CUX1: variants seen among roughly 807,000 people sequenced by gnomAD.
The protein encoded by CUX1 is protein CASP.
A neutral mutation model predicts 158.8 loss-of-function variants in CUX1; 31 were observed. That is an observed-to-expected ratio of 0.20 (90% CI 0.15 to 0.26). CUX1 has a LOEUF of 0.26. Among genes scored for constraint, CUX1 ranks in the 10% least tolerant of loss-of-function variants. CUX1 has a pLI of 1.00. For synonymous variants in CUX1, 879 were observed against 862.1 expected, an observed-to-expected ratio of 1.02 and a Z score of -0.34; for missense variants, 1,589 against 2,014.6, an observed-to-expected ratio of 0.79 and a Z score of 4.04.
At chr7:102,178,944 A>G (rs1792712598) in intron 11 of CUX1, among the ~76,000 whole-genome samples, 1 of 152,156 alleles carries the variant, frequency 6.6e-6, no homozygotes, top group Admixed American at 6.5e-5. Context: ...GGCTCACTGC[A>G]GCCTCCGCCT....
chr7:102,063,515 A>C (rs1459572259), intron 3 of CUX1, among the ~76,000 whole-genome samples: 1 of 150,380 alleles, frequency 6.6e-6, no homozygotes, highest in Non-Finnish European at 1.5e-5. Flanking sequence ...CAGCCTCCCA[A>C]GTAGCTGGAA....
At chr7:102,175,238 C>A (rs1251607946) in intron 10 of CUX1, among the ~76,000 whole-genome samples, 1 of 152,206 alleles carries the variant, frequency 6.6e-6, no homozygotes, top group East Asian at 1.9e-4. Context: ...ACACCTTTGA[C>A]CTGTGTCACT....
intron 3 of CUX1, among the ~76,000 whole-genome samples, chr7:102,044,275 C>T (rs184966378): frequency 1.3e-5 from 2 of 152,186 alleles, no homozygotes; most frequent in East Asian, 1.9e-4. Flanking sequence ...CTGCAACCTC[C>T]ACCTCCTAGG....
At chr7:102,124,387 G>A (rs1244222787) in intron 8 of CUX1, among the ~76,000 whole-genome samples, 1 of 152,250 alleles carries the variant, frequency 6.6e-6, no homozygotes, top group Non-Finnish European at 1.5e-5. Context: ...GCACTCACAC[G>A]TTTATCACAG....
chr7:102,103,933 A>G (rs554106132), intron 5 of CUX1, among the ~76,000 whole-genome samples: 3 of 152,178 alleles, frequency 2.0e-5, no homozygotes, highest in Admixed American at 6.6e-5. Flanking sequence ...ACTATTATGA[A>G]CTATTTTTTT....
intron 7 of CUX1, among the ~76,000 whole-genome samples, chr7:102,114,871 A>G (rs1362629113): frequency 6.6e-6 from 1 of 151,994 alleles, no homozygotes; most frequent in Non-Finnish European, 1.5e-5. Context: ...ACAGAGTGAG[A>G]AAACTTGTCT....
At chr7:102,119,059 G>A (rs1288757922) in intron 8 of CUX1, among the ~76,000 whole-genome samples, 1 of 152,078 alleles carries the variant, frequency 6.6e-6, no homozygotes, top group Non-Finnish European at 1.5e-5. Context: ...ATGCTAGGTG[G>A]TTTTGAAGAG....
At chr7:101,870,157 T>TTG (rs1368924165) in intron 1 of CUX1, among the ~76,000 whole-genome samples, 7 of 149,240 alleles carry the variant, frequency 4.7e-5, no homozygotes, top group South Asian at 4.3e-4. Context: ...TTTTTTGTTT[T>TTG]TTTTTTTTTT....
chr7:102,169,914 A>G (rs141647735), intron 9 of CUX1, among the ~76,000 whole-genome samples: 1 of 152,330 alleles, frequency 6.6e-6, no homozygotes, highest in East Asian at 1.9e-4. Flanking sequence ...AGGGTTAAAT[A>G]TGTTGAAATA....
intron 17 of CUX1, chr7:102,277,920 CACCCCTTTCCTTGCCCCT>C: frequency 1.8e-6 from 2 of 1,117,338 alleles, no homozygotes; most frequent in Non-Finnish European, 2.6e-6. Flanking sequence ...GCCTCTCCCC[CACCCCTTTCCTTGCCCCT>C]CCCCCCCCAG....
intron 8 of CUX1, among the ~76,000 whole-genome samples, chr7:102,156,754 A>T (rs1554505413): frequency 2.0e-5 from 3 of 152,230 alleles, no homozygotes; most frequent in African/African-American, 7.2e-5. Context: ...CCCCAGGAGT[A>T]GACTTGCCCG....
At chr7:101,881,292 ATGTT>A (rs1234115028) in intron 1 of CUX1, among the ~76,000 whole-genome samples, 1 of 152,228 alleles carries the variant, frequency 6.6e-6, no homozygotes, top group African/African-American at 2.4e-5. Flanking sequence ...GAGAAGATGA[ATGTT>A]GTCAAGAAAA....
At chr7:102,260,570 C>CTTTTTTTTTT (rs55642237), downstream of CUX1, among the ~76,000 whole-genome samples, 277 of 51,058 alleles carry the variant, frequency 5.4e-3, 1 homozygote, top group East Asian at 6.8e-3. Context: ...CCACACCTGG[C>CTTTTTTTTTT]TTTTTTTTTT....
rs1804173953 is a variant in CUX1 at position 101,916,151 on chromosome 7, C to T, written c.67C>T (p.Arg23Trp). 2 of 1,613,874 alleles carry T rather than the reference C, an allele frequency of 1.2e-6. No individual in the cohort carries two copies. Among genetic ancestry groups the T allele is most frequent in the Non-Finnish European group, 1.7e-6 (2 of 1,179,892 alleles). Residue 23 changes from arginine (R) to tryptophan (W), a missense_variant, in exon 2 of 24, where the codon CGG (arginine) becomes TGG (tryptophan). Transcript: ENST00000292535. This position sits in a 1 kb window ranked among gnomAD's most constrained non-coding sequence, Gnocchi z 4.4. ...TGCCACCGCAACGGTATTGGCGAAC[C>T]GGCAGGATGAAAGTGAGCAGTCCAG... is the stretch of plus-strand genomic sequence containing the variant. Reference protein sequence around the residue: ...LDATATVLANRQDESEQSRKR... With the variant: ...LDATATVLANWQDESEQSRKR...
intron 1 of CUX1, among the ~76,000 whole-genome samples, chr7:101,897,934 C>T (rs1228171908): frequency 1.3e-5 from 2 of 152,162 alleles, no homozygotes; most frequent in African/African-American, 4.8e-5. Flanking sequence ...TCTTCCCCTG[C>T]AGTACCAGTG....
chr7:101,988,954 G>A (rs28534780), intron 2 of CUX1, among the ~76,000 whole-genome samples: 23,323 of 151,792 alleles, frequency 0.15, 2,221 homozygotes, highest in Middle Eastern at 0.22. Context: ...AGCTATAATC[G>A]TGCCATTCCA....
chr7:102,146,928 T>C (rs1486265068), intron 8 of CUX1, among the ~76,000 whole-genome samples: 2 of 152,128 alleles, frequency 1.3e-5, no homozygotes, highest in Non-Finnish European at 2.9e-5. Context: ...TACTTTTGTA[T>C]CATTTAAATT....
chr7:102,104,249 C>A, intron 5 of CUX1, 87 bp from the exon 6 acceptor site: 1 of 1,322,890 alleles, frequency 7.6e-7, no homozygotes, highest in Non-Finnish European at 1.0e-6. Flanking sequence ...ACACACCGAT[C>A]CTACCAGGTT....
intron 1 of CUX1, among the ~76,000 whole-genome samples, chr7:101,834,229 A>C (rs1476234758): frequency 7.9e-6 from 1 of 125,834 alleles, no homozygotes; most frequent in Non-Finnish European, 1.5e-5. Flanking sequence ...GCTGGAGTGC[A>C]GTGGCACTAT....
Sources: gnomAD v4.1 joint callset for allele counts (sites outside exome capture counted in the v4.1 genomes callset) on GRCh38, gnomAD v4.1.1 for gene constraint, Gnocchi (gnomAD v3.1) non-coding constraint, MANE v1.5 for transcripts, NCBI Gene and HGNC (gene_info 2026-07-23, HGNC 2026-07-21) for gene names.